The following PSD2 variants were observed in gnomAD, a reference collection of about 807,000 sequenced individuals.
PSD2 encodes the protein PH and SEC7 domain-containing protein 2.
PSD2 carries 38 observed loss-of-function variants against 69.8 expected under a neutral mutation model. That is an observed-to-expected ratio of 0.54 (90% CI 0.42 to 0.71). PSD2 has a LOEUF of 0.71. PSD2 is among the 30% of genes least tolerant of loss of function. The pLI is 0.00. For missense variants in PSD2, 943 were observed against 1,014.5 expected, an observed-to-expected ratio of 0.93 and a Z score of 0.96; for synonymous variants, 412 against 423.0, an observed-to-expected ratio of 0.97 and a Z score of 0.32.
intron 1 of PSD2, among the ~76,000 whole-genome samples, chr5:139,797,766 C>T (rs956698907): frequency 2.0e-5 from 3 of 152,174 alleles, no homozygotes; most frequent in Non-Finnish European, 4.4e-5. Flanking sequence ...GCTGTTTGTT[C>T]AAAGTCTCCT....
chr5:139,834,597 A>G (rs1489762710), intron 8 of PSD2, among the ~76,000 whole-genome samples: 1 of 151,942 alleles, frequency 6.6e-6, no homozygotes, highest in Non-Finnish European at 1.5e-5. Flanking sequence ...CACCACACCC[A>G]GCCAGCTTCA....
At chr5:139,776,973 TC>T in the PSD2 span, among the ~76,000 whole-genome samples, 1 of 152,192 alleles carries the variant, frequency 6.6e-6, no homozygotes, top group South Asian at 2.1e-4. Flanking sequence ...GACAGTTTCT[TC>T]TAGTGAGACC....
At chr5:139,840,823 A>G (rs1056605171) in intron 14 of PSD2, among the ~76,000 whole-genome samples, 1 of 152,178 alleles carries the variant, frequency 6.6e-6, no homozygotes, top group African/African-American at 2.4e-5. Context: ...AAGTGCTGGG[A>G]TTACAGGTGT....
At chr5:139,776,000 C>G in the PSD2 span, among the ~76,000 whole-genome samples, 8 of 152,290 alleles carry the variant, frequency 5.3e-5, no homozygotes, top group East Asian at 1.4e-3. Context: ...CAGTTTGCCC[C>G]CACCACACTC....
chr5:139,805,843 C>T lies in PSD2; in HGVS notation c.-50-3548C>T, dbSNP rs533629534. Reference sequence around the variant, plus strand: ...GCAGCAGAACCAGCTCCTGCAGGACCTTTTCAGGCCATGCTGGGGAGACTG... The same window carrying T: ...GCAGCAGAACCAGCTCCTGCAGGACTTTTTCAGGCCATGCTGGGGAGACTG... On this transcript the variant is annotated intron_variant, in intron 1 of 14. Transcript: ENST00000274710. 2.6e-5 allele frequency among the ~76,000 whole-genome samples: 4 copies of T among 152,238 alleles called. No homozygotes were observed. The South Asian group carries it at 6.2e-4, about 24-fold the overall frequency.
At chr5:139,819,045 T>C (rs1246962706) in intron 5 of PSD2, among the ~76,000 whole-genome samples, 1 of 152,234 alleles carries the variant, frequency 6.6e-6, no homozygotes, top group African/African-American at 2.4e-5. Flanking sequence ...TTCTATTGTC[T>C]CTTTTTTCTC....
intron 1 of PSD2, among the ~76,000 whole-genome samples, chr5:139,808,212 C>T (rs903203676): frequency 8.5e-5 from 13 of 152,190 alleles, no homozygotes; most frequent in Admixed American, 2.6e-4. Context: ...TGATCTGTGT[C>T]CCCACTGGCA....
chr5:139,841,697 A>T (rs1346798242), intron 14 of PSD2, among the ~76,000 whole-genome samples: 1 of 152,202 alleles, frequency 6.6e-6, no homozygotes, highest in Admixed American at 6.5e-5. Flanking sequence ...TTTCGATAGT[A>T]GTAAGAGTGT....
chr5:139,781,612 G>C, the PSD2 span, among the ~76,000 whole-genome samples: 2 of 150,900 alleles, frequency 1.3e-5, no homozygotes, highest in African/African-American at 4.9e-5. Context: ...TGGGATTACA[G>C]GTGTGAGCCA....
At chr5:139,799,027 G>A (rs955633128) in intron 1 of PSD2, among the ~76,000 whole-genome samples, 2 of 151,994 alleles carry the variant, frequency 1.3e-5, no homozygotes, top group African/African-American at 4.8e-5. Context: ...TCACATCCTG[G>A]ATTTGTCTTC....
At chr5:139,750,999 C>T in the PSD2 span, among the ~76,000 whole-genome samples, 1 of 152,170 alleles carries the variant, frequency 6.6e-6, no homozygotes, top group Admixed American at 6.5e-5. Flanking sequence ...ACTAATGGTT[C>T]CTGTGCAGGC....
Position 139,836,961 on chromosome 5 carries a change from C to T in PSD2, c.1554C>T (p.Val518=). 1 of 1,613,968 alleles carries T rather than the reference C, an allele frequency of 6.2e-7. No homozygotes were observed. The change falls in exon 10 of 15, where the codon GTC becomes GTT. Residue 518 remains valine, a synonymous_variant. Coordinates refer to ENST00000274710, the MANE Select transcript of PSD2 (RefSeq NM_032289.4). The part of the protein sequence containing the change: ...ALSATTYKHG[V]LTRKTHADMD... The stretch of plus-strand genomic sequence containing the variant: ...GTGCCACCACCTACAAGCACGGCGT[C>T]CTGACCCGGAAGACTCACGCTGACA...
At chr5:139,790,095 G>C in the PSD2 span, among the ~76,000 whole-genome samples, 10 of 152,092 alleles carry the variant, frequency 6.6e-5, no homozygotes, top group African/African-American at 2.4e-4. Context: ...GTGGGGGCCA[G>C]ATCTTATGGG....
the PSD2 span, among the ~76,000 whole-genome samples, chr5:139,756,447 C>T: frequency 6.6e-6 from 1 of 152,212 alleles, no homozygotes; most frequent in East Asian, 1.9e-4. Flanking sequence ...GAAGTCCTTG[C>T]CCAACCCGTG....
At chr5:139,822,506 G>C (rs1760296340) in intron 6 of PSD2, among the ~76,000 whole-genome samples, 2 of 152,346 alleles carry the variant, frequency 1.3e-5, no homozygotes, top group Non-Finnish European at 2.9e-5. Context: ...GTCTGGGCCA[G>C]AGTGGGTCCA....
Position 139,822,577 on chromosome 5 carries a change from A to G in PSD2, c.1211-149A>G. 5.2e-6 allele frequency: 3 copies of G among 581,436 alleles called. No homozygotes were observed. In the South Asian group the frequency reaches 7.9e-5, roughly 15 times the overall value. The allele number at this position is 581,436 out of a possible 1,614,324, so 36.0% of individuals were successfully genotyped here. A position where few individuals can be genotyped will look rare whatever the true frequency, so the allele number is the denominator to read the frequency against. On this transcript the variant is annotated intron_variant, in intron 6 of 14. Transcript: ENST00000274710. ...GGTCCTGCAGTTGGGGCAGACCTGGAGCGTCACACAGGCCCTGTCCCCTGA... is the reference window on the plus strand; with the variant it reads ...GGTCCTGCAGTTGGGGCAGACCTGGGGCGTCACACAGGCCCTGTCCCCTGA...
At chr5:139,760,189 C>CT in the PSD2 span, among the ~76,000 whole-genome samples, 1 of 152,212 alleles carries the variant, frequency 6.6e-6, no homozygotes, top group South Asian at 2.1e-4. Flanking sequence ...CTGGGCCTGG[C>CT]TGTGCACTCA....
the PSD2 span, among the ~76,000 whole-genome samples, chr5:139,767,335 G>C: frequency 6.7e-6 from 1 of 149,514 alleles, no homozygotes; most frequent in East Asian, 2.0e-4. Flanking sequence ...ATTTTTTAAA[G>C]ACAGAATCCC....
At position 139,842,505 on chromosome 5, in the gene PSD2, C is replaced by G. The variant is rs1488443008; in HGVS notation, c.*31C>G. ...ATGGATTTGCAGACCCCAGGGTGGGCAGATGTCTCCAGTGGGGTCAGTGAG... is the reference window on the plus strand; with the variant it reads ...ATGGATTTGCAGACCCCAGGGTGGGGAGATGTCTCCAGTGGGGTCAGTGAG... On this transcript the variant is annotated 3_prime_UTR_variant, in exon 15 of 15. Coordinates refer to ENST00000274710, the MANE Select transcript of PSD2 (RefSeq NM_032289.4). 1 of 1,592,568 alleles carries G rather than the reference C, an allele frequency of 6.3e-7. No individual in the cohort carries two copies. The highest frequency in any genetic ancestry group is 8.6e-7 in the Non-Finnish European group (1 of 1,163,164).
Sources: allele counts gnomAD v4.1 joint callset (sites outside exome capture counted in the v4.1 genomes callset), GRCh38; gene constraint gnomAD v4.1.1; transcripts MANE v1.5; gene names NCBI Gene and HGNC (gene_info 2026-07-23, HGNC 2026-07-21).